The following REV3L variants were observed in gnomAD, a reference collection of about 807,000 sequenced individuals.
The protein encoded by REV3L is DNA polymerase zeta catalytic subunit.
REV3L carries 69 observed loss-of-function variants against 299.4 expected under a neutral mutation model. That is an observed-to-expected ratio of 0.23 (90% CI 0.19 to 0.28). The LOEUF is 0.28. Ranked by LOEUF, REV3L falls within the 10% of genes least tolerant of loss-of-function variation. The probability of loss-of-function intolerance (pLI) is 1.00; values close to 1 mark genes in which losing one functional copy is unlikely to be tolerated. For missense variants in REV3L, 3,128 were observed against 3,693.8 expected, an observed-to-expected ratio of 0.85 and a Z score of 3.97; for synonymous variants, 1,238 against 1,271.4, an observed-to-expected ratio of 0.97 and a Z score of 0.56.
rs1278841665 is a variant in REV3L at position 111,431,310 on chromosome 6, C to A, written c.140-14838G>T. Reference sequence around the variant, plus strand: ...GGCCATACTAGGACACCTGACACAGCAAAAGAAATGGAGATTACAGAAGTA... The same window carrying A: ...GGCCATACTAGGACACCTGACACAGAAAAAGAAATGGAGATTACAGAAGTA... On this transcript the variant is annotated intron_variant, in intron 1 of 31. Transcript: ENST00000368802. 14 of 1,204,482 alleles carry A rather than the reference C, an allele frequency of 1.2e-5. No individual in the cohort carries two copies. The East Asian group carries it at 2.6e-4, about 22-fold the overall frequency. The allele number at this position is 1,204,482 out of a possible 1,614,324, so 74.6% of individuals were successfully genotyped here.
intron 13 of REV3L, among the ~76,000 whole-genome samples, chr6:111,368,517 T>C (rs1779452790): frequency 6.6e-6 from 1 of 152,180 alleles, no homozygotes. Context: ...TACTCTCAAA[T>C]TCCCTTAAAC....
intron 3 of REV3L, among the ~76,000 whole-genome samples, chr6:111,406,937 G>A (rs1215810700): frequency 6.6e-6 from 1 of 152,058 alleles, no homozygotes; most frequent in Admixed American, 6.5e-5. Flanking sequence ...CAAGTCTGTG[G>A]TACGATCATC....
At chr6:111,448,283 G>C (rs947972907) in intron 1 of REV3L, among the ~76,000 whole-genome samples, 1 of 152,150 alleles carries the variant, frequency 6.6e-6, no homozygotes, top group Non-Finnish European at 1.5e-5. Context: ...GAAGATCTGT[G>C]AGATTTCTCT....
intron 1 of REV3L, among the ~76,000 whole-genome samples, chr6:111,432,649 C>G (rs1175480722): frequency 1.3e-5 from 2 of 152,134 alleles, no homozygotes; most frequent in Non-Finnish European, 2.9e-5. Context: ...AACATCCAGA[C>G]AGAAAATCAA....
rs1771220657 is a variant in REV3L at position 111,299,368 on chromosome 6, G to GC, written c.*647dup. Reference sequence around the variant, plus strand: ...ATGTCTTTGCACAGTTCCTCACAATGCCCCATTAATAGCTAAAGCAAGACA... The same window carrying GC: ...ATGTCTTTGCACAGTTCCTCACAATGCCCCCATTAATAGCTAAAGCAAGACA... On this transcript the variant is annotated 3_prime_UTR_variant, in exon 32 of 32. Coordinates refer to ENST00000368802, the MANE Select transcript of REV3L (RefSeq NM_001372078.1). 1.3e-5 allele frequency: 2 copies of GC among 151,678 alleles called. No homozygotes were observed. Among genetic ancestry groups the GC allele is most frequent in the Admixed American group, 1.3e-4 (2 of 15,116 alleles). 9.4% of individuals were successfully genotyped at this position (151,678 alleles called of 1,614,324 possible).
intron 1 of REV3L, among the ~76,000 whole-genome samples, chr6:111,466,779 T>G (rs191115860): frequency 1.1e-4 from 16 of 152,158 alleles, no homozygotes; most frequent in Non-Finnish European, 1.6e-4. Context: ...GAGATGGAGG[T>G]TGCAGTGAGC....
intron 1 of REV3L, among the ~76,000 whole-genome samples, chr6:111,449,511 T>C (rs755739713): frequency 2.0e-5 from 3 of 152,078 alleles, no homozygotes; most frequent in Admixed American, 1.3e-4. Flanking sequence ...GTAACTAAAA[T>C]GGGCAGAGGG....
intron 9 of REV3L, among the ~76,000 whole-genome samples, chr6:111,383,421 A>T (rs1192966075): frequency 6.6e-6 from 1 of 152,224 alleles, no homozygotes; most frequent in Non-Finnish European, 1.5e-5. Context: ...AAGTTGCAGG[A>T]TACAAAATCA....
intron 21 of REV3L, among the ~76,000 whole-genome samples, chr6:111,342,795 C>T (rs76040520): frequency 0.036 from 5,442 of 152,092 alleles, 324 homozygotes; most frequent in African/African-American, 0.12. Context: ...CTCATTAAAT[C>T]TGACTTTGGA....
chr6:111,469,462 A>G (rs1257902147), intron 1 of REV3L, among the ~76,000 whole-genome samples: 1 of 152,246 alleles, frequency 6.6e-6, no homozygotes, highest in Non-Finnish European at 1.5e-5. Flanking sequence ...TGAGTTAGCC[A>G]GCAACAGTTG....
intron 1 of REV3L, among the ~76,000 whole-genome samples, chr6:111,451,984 G>T (rs971103891): frequency 6.6e-6 from 1 of 152,070 alleles, no homozygotes; most frequent in African/African-American, 2.4e-5. Context: ...TAAAGGACTT[G>T]AGTCCAGAAT....
At chr6:111,322,395 C>A (rs1215765337) in intron 26 of REV3L, among the ~76,000 whole-genome samples, 174 bp downstream of exon 26, 1 of 152,146 alleles carries the variant, frequency 6.6e-6, no homozygotes, top group Non-Finnish European at 1.5e-5. Flanking sequence ...CTGTCTCTTA[C>A]GATCCTATCT....
At chr6:111,397,125 C>T (rs1782595638) in intron 4 of REV3L, among the ~76,000 whole-genome samples, 1 of 150,884 alleles carries the variant, frequency 6.6e-6, no homozygotes, top group Non-Finnish European at 1.5e-5. Flanking sequence ...TTTAGTTCTA[C>T]TCTGATCTTT....
At chr6:111,483,484 C>T (rs1280049959), upstream of REV3L, 2 of 513,536 alleles carry the variant, frequency 3.9e-6, no homozygotes, top group East Asian at 4.9e-5. Context: ...GAAGGGGCGG[C>T]GGAGCACCGA....
rs530424819 is a variant in REV3L at position 111,443,908 on chromosome 6, A to C, written c.140-27436T>G. ...TTAATGGTGTAGGCCAGAAATTCTT[A>C]ATTGTTTTATAAAAAGGAGTTAATT... On this transcript the variant is annotated intron_variant, in intron 1 of 31. Transcript: ENST00000368802. 3.9e-5 allele frequency among the ~76,000 whole-genome samples: 6 copies of C among 152,338 alleles called. No individual in the cohort carries two copies. The South Asian group carries it at 1.0e-3, about 26-fold the overall frequency.
chr6:111,336,225 C>A (rs1175154629), intron 21 of REV3L, among the ~76,000 whole-genome samples: 1 of 151,822 alleles, frequency 6.6e-6, no homozygotes, highest in East Asian at 1.9e-4. Flanking sequence ...ACCTTACCTT[C>A]TTAAGAAAAC....
At chr6:111,450,038 T>C (rs1789313202) in intron 1 of REV3L, among the ~76,000 whole-genome samples, 1 of 152,108 alleles carries the variant, frequency 6.6e-6, no homozygotes, top group Non-Finnish European at 1.5e-5. Flanking sequence ...AATTTTCATC[T>C]CATGACGGAT....
Position 111,351,678 on chromosome 6 carries a change from G to A in REV3L, c.7298C>T (p.Pro2433Leu). The change falls in exon 19 of 32, where the codon CCA becomes CTA. Residue 2433 changes from proline to leucine, a missense_variant and splice_region_variant. By Grantham distance (98) the Pro-to-Leu change is moderately conservative (BLOSUM62 -3). Around this residue, in one of 9 missense-constraint regions of REV3L, gnomAD observed 50 missense variants for 48.2 expected, o/e 1.04. Transcript: ENST00000368802. Reference protein sequence around the residue: ...IDLCRMISRVPDDKIENRFAA... With the variant: ...IDLCRMISRVLDDKIENRFAA... ...AAAACATTCACAATGACACATACCTGGCACCCGAGAGATCATCCGACATAA... is the reference window on the plus strand; with the variant it reads ...AAAACATTCACAATGACACATACCTAGCACCCGAGAGATCATCCGACATAA... 1.2e-6 allele frequency: 2 copies of A among 1,609,308 alleles called. No homozygotes were observed. The highest frequency in any genetic ancestry group is 1.7e-6 in the Non-Finnish European group (2 of 1,176,782).
intron 3 of REV3L, among the ~76,000 whole-genome samples, chr6:111,409,908 T>A (rs1029050506): frequency 6.6e-6 from 1 of 152,228 alleles, no homozygotes; most frequent in Admixed American, 6.5e-5. Context: ...ATATTTGGGT[T>A]ACCTGTGTAT....
Sources: gnomAD v4.1 joint callset for allele counts (sites outside exome capture counted in the v4.1 genomes callset) on GRCh38, gnomAD v4.1.1 for gene constraint, gnomAD v4.1.1 regional missense constraint, MANE v1.5 for transcripts, NCBI Gene and HGNC (gene_info 2026-07-23, HGNC 2026-07-21) for gene names.